Variants in SRPRB observed in about 807,000 individuals in gnomAD.
The protein encoded by SRPRB is signal recognition particle receptor subunit beta.
A neutral mutation model predicts 31.9 loss-of-function variants in SRPRB; 20 were observed. That is an observed-to-expected ratio of 0.63 (90% confidence interval 0.44 to 0.91). SRPRB has a LOEUF of 0.91. Among genes scored for constraint, SRPRB ranks in the 40% least tolerant of loss-of-function variants. The pLI, the probability that SRPRB is intolerant of heterozygous loss-of-function variation, is 0.00. For synonymous variants in SRPRB, 146 were observed against 132.8 expected (o/e 1.10, Z -0.68); for missense variants, 321 against 324.9 (o/e 0.99, Z 0.09).
chr3:133,796,397 AAGG>A (rs1419026811), intron 1 of SRPRB: 1 of 152,252 alleles, frequency 6.6e-6, no homozygotes, highest in Non-Finnish European at 1.5e-5. Flanking sequence ...GTCTGTAGGC[AAGG>A]AATATAAGGC....
At chr3:133,809,232 A>G (rs996830614) in intron 3 of SRPRB, among the ~76,000 whole-genome samples, 1 of 152,080 alleles carries the variant, frequency 6.6e-6, no homozygotes, top group African/African-American at 2.4e-5. Context: ...ACCTCAAGTG[A>G]TCCGCCCACC....
chr3:133,810,883 TGTA>T, intron 3 of SRPRB: 1 of 414,970 alleles, frequency 2.4e-6, no homozygotes, highest in Non-Finnish European at 4.3e-6. Flanking sequence ...TATATTTATG[TGTA>T]ATTTTACATT....
downstream of SRPRB, chr3:133,827,746 A>ACCACCCCCCCCCCCCCCCCC (rs1559896922): frequency 1.4e-5 from 1 of 72,636 alleles, no homozygotes; most frequent in Admixed American, 2.1e-4. Context: ...TGCAGACAAC[A>ACCACCCCCCCCCCCCCCCCC]CCCCCCCCCC....
At chr3:133,801,992 T>C (rs934115133), upstream of SRPRB, among the ~76,000 whole-genome samples, 4 of 150,238 alleles carry the variant, frequency 2.7e-5, no homozygotes, top group Admixed American at 6.7e-5. Flanking sequence ...AGAAGCCCAA[T>C]TGCCTGGGAT....
intron 2 of SRPRB, 42 bp downstream of exon 2, chr3:133,806,745 A>G: frequency 6.9e-7 from 1 of 1,441,826 alleles, no homozygotes; most frequent in African/African-American, 1.4e-5. Flanking sequence ...TTAATAGAAA[A>G]TTTTATAGAT....
At chr3:133,790,156 T>C (rs1195932167) in intron 1 of SRPRB, 1 of 152,152 alleles carries the variant, frequency 6.6e-6, no homozygotes, top group Admixed American at 6.5e-5. Flanking sequence ...GATAAGCTTT[T>C]TGTGTAAAGT....
rs1935440243 is a variant in SRPRB, at chr3:133,819,917, A to AT, written c.*151_*152insT. The AT allele has an allele frequency of 1.2e-5, 8 of 668,692 alleles. No individual in the cohort carries two copies. The African/African-American group carries it at 1.3e-4, about 11-fold the overall frequency. The allele number at this position is 668,692 out of a possible 1,614,324, so 41.4% of individuals were successfully genotyped here. On this transcript the variant is annotated 3_prime_UTR_variant, in exon 7 of 7. Coordinates refer to ENST00000678299, the MANE Select transcript of SRPRB (RefSeq NM_001379313.1). ...CAAAGTACTGTTGAAACCAGCTTGG[A>AT]ATTTTTTTTTTTTTTTTTTTTAAGT...
At chr3:133,822,521 G>T (rs1452990867), downstream of SRPRB, among the ~76,000 whole-genome samples, 1 of 152,154 alleles carries the variant, frequency 6.6e-6, no homozygotes, top group African/African-American at 2.4e-5. Flanking sequence ...TCTACTGGGG[G>T]TTCCTAATCA....
At chr3:133,822,871 A>G (rs777102482), downstream of SRPRB, among the ~76,000 whole-genome samples, 3 of 152,206 alleles carry the variant, frequency 2.0e-5, no homozygotes, top group Non-Finnish European at 4.4e-5. Flanking sequence ...CAGGAAAACA[A>G]TCCCACTTCC....
Position 133,820,954 on chromosome 3 carries a change from G to T in SRPRB, c.*1188G>T, listed in dbSNP as rs893900555. 6.6e-6 allele frequency: 1 copy of T among 152,330 alleles called. No homozygotes were observed. Among genetic ancestry groups the T allele is most frequent in the African/African-American group, 2.4e-5 (1 of 41,450 alleles). 9.4% of individuals were successfully genotyped at this position (152,330 alleles called of 1,614,324 possible). On this transcript the variant is annotated 3_prime_UTR_variant, in exon 7 of 7. Transcript: ENST00000678299. ...GGAGACCAGGGTGGCTCTGTCCAGGGGAGAAGCCAGTTATGGAACAGTGCA... is the reference window on the plus strand; with the variant it reads ...GGAGACCAGGGTGGCTCTGTCCAGGTGAGAAGCCAGTTATGGAACAGTGCA...
intron 4 of SRPRB, among the ~76,000 whole-genome samples, chr3:133,814,136 T>C (rs930226355): frequency 6.6e-6 from 1 of 151,536 alleles, no homozygotes; most frequent in Non-Finnish European, 1.5e-5. Context: ...GCTTGTATTT[T>C]TTTTTTTTTT....
downstream of SRPRB, among the ~76,000 whole-genome samples, chr3:133,821,834 C>T (rs6769792): frequency 0.01 from 1,578 of 152,292 alleles, 13 homozygotes; most frequent in African/African-American, 0.015. Flanking sequence ...TGGAGTGTCA[C>T]GTGTGCCTTT....
chr3:133,786,225 A>T lies in SRPRB; in HGVS notation c.-174+2081A>T, dbSNP rs1361085157. ...AATTATCAATAAAAAAATAAATTAA[A>T]AAAAAAAAAAAAAAACAATACTATT... On this transcript the variant is annotated intron_variant, in intron 1 of 7. Transcript: ENST00000466490. 4 of 74,028 alleles carry T rather than the reference A, an allele frequency of 5.4e-5. 1 individual carries two copies. The highest frequency in any genetic ancestry group is 7.7e-5 in the African/African-American group (2 of 26,000). 4.6% of individuals were successfully genotyped at this position (74,028 alleles called of 1,614,324 possible). A position where few individuals can be genotyped will look rare whatever the true frequency, so the allele number is the denominator to read the frequency against.
At chr3:133,827,513 G>A (rs766072299), downstream of SRPRB, 5 of 206,348 alleles carry the variant, frequency 2.4e-5, no homozygotes, top group Non-Finnish European at 3.9e-5. Flanking sequence ...AAATGGAAGA[G>A]ATGGCTCTCT....
chr3:133,825,679 A>G (rs923559907), downstream of SRPRB: 2 of 152,160 alleles, frequency 1.3e-5, no homozygotes, highest in African/African-American at 4.8e-5. Flanking sequence ...TGCTTTTTCC[A>G]TCTTACACTC....
At chr3:133,810,650 G>A (rs1935243550) in intron 3 of SRPRB, 1 of 152,308 alleles carries the variant, frequency 6.6e-6, no homozygotes, top group African/African-American at 2.4e-5. Context: ...GGAGATCCCA[G>A]TAAGAGTAAT....
chr3:133,796,265 G>T (rs1353545319), intron 1 of SRPRB: 1 of 152,746 alleles, frequency 6.5e-6, no homozygotes, highest in African/African-American at 2.4e-5. Context: ...ATCCTCAATA[G>T]GTAGGGACTA....
intron 6 of SRPRB, among the ~76,000 whole-genome samples, chr3:133,818,123 C>T (rs1190846510): frequency 6.6e-6 from 1 of 152,112 alleles, no homozygotes; most frequent in African/African-American, 2.4e-5. Flanking sequence ...TCTGTTGCTG[C>T]CATTAGGTTA....
downstream of SRPRB, chr3:133,827,567 C>G (rs946904446): frequency 1.7e-5 from 5 of 296,478 alleles, no homozygotes; most frequent in Non-Finnish European, 3.1e-5. Context: ...ACCACATCCT[C>G]AGGTGACCAC....
Sources: allele counts gnomAD v4.1 joint callset (sites outside exome capture counted in the v4.1 genomes callset), GRCh38; gene constraint gnomAD v4.1.1; transcripts MANE v1.5; gene names NCBI Gene and HGNC (gene_info 2026-07-23, HGNC 2026-07-21).